HDLBP: variants seen among roughly 807,000 people sequenced by gnomAD.
The protein encoded by HDLBP is high density lipoprotein binding protein, also known as vigilin.
A neutral mutation model predicts 137.3 loss-of-function variants in HDLBP; 30 were observed. That is an observed-to-expected ratio of 0.22 (90% CI 0.16 to 0.30). HDLBP has a LOEUF of 0.30. HDLBP is among the 10% of genes least tolerant of loss of function. The probability of loss-of-function intolerance (pLI) is 1.00; values close to 1 mark genes in which losing one functional copy is unlikely to be tolerated. For synonymous variants in HDLBP, 606 were observed against 596.0 expected, an observed-to-expected ratio of 1.02 and a Z score of -0.24; for missense variants, 1,119 against 1,667.3, an observed-to-expected ratio of 0.67 and a Z score of 5.73.
In HDLBP at chr2:241,262,859, G is replaced by C; in HGVS notation, c.302C>G (p.Ala101Gly). 6.2e-7 allele frequency: 1 copy of C among 1,614,156 alleles called. No individual in the cohort carries two copies. Among genetic ancestry groups the C allele is most frequent in the Non-Finnish European group, 8.5e-7 (1 of 1,180,020 alleles). ...DMNQFGEGEQ[A>G]KICLEIMQRT... ...CTGCATGATCTCAAGGCAGATTTTT[G>C]CTTGTTCACCTTCTCCAAACTGGTT... Residue 101 changes from alanine (A) to glycine (G), a missense_variant, in exon 5 of 28, where the codon GCA becomes GGA. By Grantham distance (60) the Ala-to-Gly change is moderately conservative. This residue lies in a region of HDLBP where 17 missense variants were observed against 64.3 expected (regional missense o/e 0.26). Coordinates refer to ENST00000310931, the MANE Select transcript of HDLBP (RefSeq NM_005336.6).
intron 1 of HDLBP, among the ~76,000 whole-genome samples, chr2:241,282,718 G>T (rs1380463090): frequency 6.6e-6 from 1 of 152,050 alleles, no homozygotes; most frequent in African/African-American, 2.4e-5. Context: ...AATTGTTTTG[G>T]AGTGCCACAA....
chr2:241,273,525 A>G, intron 1 of HDLBP: 1 of 891,624 alleles, frequency 1.1e-6, no homozygotes, highest in East Asian at 1.2e-4. Context: ...TCCGGGAAGG[A>G]CTTGTCACTT....
At chr2:241,249,394 A>T (rs2071937916) in intron 12 of HDLBP, 1 of 472,998 alleles carries the variant, frequency 2.1e-6, no homozygotes, top group Admixed American at 2.3e-5. Flanking sequence ...ATAAGCATGT[A>T]TGAAACGTCG....
At chr2:241,315,321 C>G (rs1377036461) in intron 1 of HDLBP, 1 of 152,310 alleles carries the variant, frequency 6.6e-6, no homozygotes, top group Non-Finnish European at 1.5e-5. Context: ...GTGGGCTAGA[C>G]GAGTTTCGCG....
intron 1 of HDLBP, among the ~76,000 whole-genome samples, chr2:241,294,525 A>C (rs1291125783): frequency 6.6e-6 from 1 of 152,150 alleles, no homozygotes; most frequent in East Asian, 1.9e-4. Flanking sequence ...CAGTGATGCA[A>C]GATAGCTCAC....
At chr2:241,288,957 G>T (rs2074921599) in intron 1 of HDLBP, among the ~76,000 whole-genome samples, 1 of 152,176 alleles carries the variant, frequency 6.6e-6, no homozygotes, top group African/African-American at 2.4e-5. Context: ...TACACTTGAT[G>T]ATTTTTTCCT....
At chr2:241,247,177 T>A (rs777841416) in intron 14 of HDLBP, 35 bp from the exon 15 acceptor site, 2 of 1,344,528 alleles carry the variant, frequency 1.5e-6, no homozygotes, top group Non-Finnish European at 2.1e-6. Context: ...ATTCACCACC[T>A]GTGCTAGAGA....
At position 241,255,470 on chromosome 2, in the gene HDLBP, G is replaced by A. The variant is rs770956615; in HGVS notation, c.984C>T (p.Ser328=). 21 of 1,613,950 alleles carry A rather than the reference G, an allele frequency of 1.3e-5. No individual in the cohort carries two copies. The highest frequency in any genetic ancestry group is 8.8e-5 in the South Asian group (8 of 91,086). The change falls in exon 8 of 28, where the codon TCC becomes TCT. Residue 328 remains serine, a synonymous_variant. Coordinates refer to ENST00000310931, the MANE Select transcript of HDLBP (RefSeq NM_005336.6). ...TGCTGTCTGAGGGTGGGATCTCAAC[G>A]GAAACTCCAGTTCTCTCAAGGATCT... ...LQEILERTGV[S]VEIPPSDSIS...
At position 241,248,039 on chromosome 2, in the gene HDLBP, T is replaced by C. The variant is rs1338548852; in HGVS notation, c.1695A>G (p.Lys565=). 1.2e-6 allele frequency: 2 copies of C among 1,613,496 alleles called. No homozygotes were observed. Among genetic ancestry groups the C allele is most frequent in the Non-Finnish European group, 1.7e-6 (2 of 1,179,404 alleles). ...CCATCTTCTGCATGTATTTTGTGCA[T>C]TTTTCCACCTCATTCTTAGGTCCTC... The part of the protein sequence containing the change: ...QLRGPKNEVE[K]CTKYMQKMVA... Residue 565 remains lysine (K), a synonymous_variant, in exon 14 of 28, where the codon AAA becomes AAG. Coordinates refer to ENST00000310931, the MANE Select transcript of HDLBP (RefSeq NM_005336.6).
chr2:241,294,175 C>T (rs1575036712), intron 1 of HDLBP, among the ~76,000 whole-genome samples: 2 of 152,086 alleles, frequency 1.3e-5, no homozygotes, highest in Non-Finnish European at 2.9e-5. Context: ...ACGGGTGCCA[C>T]GAATTATTTT....
chr2:241,306,939 G>A (rs2075598905), intron 1 of HDLBP, among the ~76,000 whole-genome samples: 1 of 119,832 alleles, frequency 8.3e-6, no homozygotes, highest in African/African-American at 3.1e-5. Context: ...AGGCTGATAA[G>A]AACAGGTCCA....
At chr2:241,303,229 GGGCCA>G (rs1559556878) in intron 1 of HDLBP, among the ~76,000 whole-genome samples, 1 of 152,200 alleles carries the variant, frequency 6.6e-6, no homozygotes, top group Non-Finnish European at 1.5e-5. Flanking sequence ...GCCGACAGAA[GGGCCA>G]GGAAGAGCTG....
chr2:241,251,330 A>C (rs985360884), intron 11 of HDLBP, among the ~76,000 whole-genome samples: 2 of 152,228 alleles, frequency 1.3e-5, no homozygotes, highest in Non-Finnish European at 2.9e-5. Context: ...TGTGTGGTTC[A>C]AGTAGTGCGC....
intron 1 of HDLBP, among the ~76,000 whole-genome samples, chr2:241,269,895 C>T (rs1435145863): frequency 2.6e-5 from 4 of 152,112 alleles, no homozygotes; most frequent in Non-Finnish European, 2.9e-5. Flanking sequence ...CGCCCTCCCA[C>T]GCTTGCTTGC....
intron 16 of HDLBP, 127 bp from the exon 17 acceptor site, chr2:241,242,805 C>A (rs1417725066): frequency 3.7e-6 from 3 of 813,880 alleles, no homozygotes; most frequent in Admixed American, 2.1e-5. Context: ...ATGCCACTTA[C>A]AAGCACTGAC....
chr2:241,257,909 G>C (rs1389692606), intron 5 of HDLBP, among the ~76,000 whole-genome samples: 1 of 152,158 alleles, frequency 6.6e-6, no homozygotes, highest in African/African-American at 2.4e-5. Flanking sequence ...ACAGAGCTAA[G>C]TTAATATAAA....
rs752774202 is a variant in HDLBP at position 241,238,603 on chromosome 2, G to T, written c.2749+46C>A. Reference sequence around the variant, plus strand: ...TGCGACAGCCCCGCCTCTCACATGGGAGGCGCCACTATTAACAAGCAGAGC... The same window carrying T: ...TGCGACAGCCCCGCCTCTCACATGGTAGGCGCCACTATTAACAAGCAGAGC... On this transcript the variant is annotated intron_variant, in intron 20 of 27. Coordinates refer to ENST00000310931, the MANE Select transcript of HDLBP (RefSeq NM_005336.6). This position sits in a 1 kb window ranked among gnomAD's most constrained non-coding sequence, Gnocchi z 4.9. The T allele has an allele frequency of 7.0e-7, 1 of 1,426,914 alleles. No individual in the cohort carries two copies. Among genetic ancestry groups the T allele is most frequent in the South Asian group, 1.6e-5 (1 of 63,444 alleles). 88.4% of individuals were successfully genotyped at this position (1,426,914 alleles called of 1,614,324 possible).
intron 21 of HDLBP, chr2:241,236,258 G>C (rs2070418055): frequency 3.2e-6 from 1 of 308,522 alleles, no homozygotes; most frequent in African/African-American, 2.1e-5. Context: ...GGTGAGCTAG[G>C]CCTGATAACC....
rs2149529307 is a variant in HDLBP at position 241,264,380 on chromosome 2, A to G, written c.234+68T>C. 48 of 1,288,392 alleles carry G rather than the reference A, an allele frequency of 3.7e-5. 1 individual carries two copies. In the South Asian group the frequency reaches 6.5e-4, roughly 18 times the overall value. The allele number at this position is 1,288,392 out of a possible 1,614,324, so 79.8% of individuals were successfully genotyped here. ...CTGTCTCAAAAAAAAAAAAAAGAAAAAAAATTTAAAAATTTACATAGACAT... is the reference window on the plus strand; with the variant it reads ...CTGTCTCAAAAAAAAAAAAAAGAAAGAAAATTTAAAAATTTACATAGACAT... On this transcript the variant is annotated intron_variant, in intron 4 of 27. Coordinates refer to ENST00000310931, the MANE Select transcript of HDLBP (RefSeq NM_005336.6).
Sources: allele counts gnomAD v4.1 joint callset (sites outside exome capture counted in the v4.1 genomes callset), GRCh38; gene constraint gnomAD v4.1.1; regional missense constraint gnomAD v4.1.1; non-coding constraint Gnocchi (gnomAD v3.1); transcripts MANE v1.5; gene names NCBI Gene and HGNC (gene_info 2026-07-23, HGNC 2026-07-21).